CTNNA2: variants seen among roughly 807,000 people sequenced by gnomAD.
The protein encoded by CTNNA2 is catenin alpha-2.
CTNNA2 carries 42 observed loss-of-function variants against 101.0 expected under a neutral mutation model. That is an observed-to-expected ratio of 0.42 (90% CI 0.32 to 0.54). The LOEUF is 0.54. CTNNA2 is among the 20% of genes least tolerant of loss of function. The pLI, the probability that CTNNA2 is intolerant of heterozygous loss-of-function variation, is 0.14. For synonymous variants in CTNNA2, 450 were observed against 456.4 expected (o/e 0.99, Z 0.18); for missense variants, 871 against 1,223.1 (o/e 0.71, Z 4.29).
chr2:79,639,194 T>C (rs1025540152), intron 1 of CTNNA2, among the ~76,000 whole-genome samples: 1 of 152,200 alleles, frequency 6.6e-6, no homozygotes, highest in African/African-American at 2.4e-5. Flanking sequence ...GCTGCCCTCT[T>C]GGTGAATGGT....
intron 2 of CTNNA2, among the ~76,000 whole-genome samples, chr2:79,212,613 A>G (rs1160296703): frequency 6.6e-6 from 1 of 152,166 alleles, no homozygotes; most frequent in Non-Finnish European, 1.5e-5. Flanking sequence ...GATTTGACTA[A>G]TGAAGGCCGG....
chr2:79,874,768 A>G (rs550101777), intron 6 of CTNNA2, among the ~76,000 whole-genome samples: 1 of 152,240 alleles, frequency 6.6e-6, no homozygotes, highest in East Asian at 1.9e-4. Context: ...AGATCGTGCC[A>G]TTGCACTCCA....
At chr2:79,384,849 AT>A (rs1558654477) in intron 4 of CTNNA2, among the ~76,000 whole-genome samples, 1 of 152,194 alleles carries the variant, frequency 6.6e-6, no homozygotes, top group East Asian at 1.9e-4. Context: ...ACTAGTTCAC[AT>A]TAACTTATAC....
At chr2:80,324,340 G>A (rs748328721) in intron 7 of CTNNA2, among the ~76,000 whole-genome samples, 1 of 152,048 alleles carries the variant, frequency 6.6e-6, no homozygotes. Flanking sequence ...AGTCATAGGC[G>A]AAGTCAGGAC....
intron 3 of CTNNA2, among the ~76,000 whole-genome samples, chr2:79,816,205 G>C (rs1378055764): frequency 6.6e-6 from 1 of 152,076 alleles, no homozygotes; most frequent in Non-Finnish European, 1.5e-5. Flanking sequence ...AGCAATGAGT[G>C]ACAGTATGAC....
chr2:79,192,850 A>G (rs1416497046), intron 1 of CTNNA2, among the ~76,000 whole-genome samples: 1 of 151,998 alleles, frequency 6.6e-6, no homozygotes. Context: ...TATTTAAAAT[A>G]TTATATATAT....
At chr2:79,868,276 A>C (rs1488343090) in intron 4 of CTNNA2, among the ~76,000 whole-genome samples, 1 of 152,208 alleles carries the variant, frequency 6.6e-6, no homozygotes, top group Non-Finnish European at 1.5e-5. Context: ...TTCCCAATCC[A>C]GGACATAAAC....
At chr2:79,301,647 C>T (rs1181237840) in intron 2 of CTNNA2, among the ~76,000 whole-genome samples, 3 of 152,140 alleles carry the variant, frequency 2.0e-5, no homozygotes, top group African/African-American at 7.2e-5. Context: ...CCACTACCCA[C>T]CTCTCATCCC....
intron 7 of CTNNA2, among the ~76,000 whole-genome samples, chr2:80,117,364 C>T (rs778009593): frequency 6.6e-6 from 1 of 152,054 alleles, no homozygotes; most frequent in Non-Finnish European, 1.5e-5. Flanking sequence ...ATCTCACTGA[C>T]TCACCTACCT....
At chr2:79,504,860 T>C (rs993072444) in intron 4 of CTNNA2, among the ~76,000 whole-genome samples, 1 of 152,182 alleles carries the variant, frequency 6.6e-6, no homozygotes, top group Non-Finnish European at 1.5e-5. Context: ...ATTTGACTAC[T>C]TTGCCGCTTT....
intron 2 of CTNNA2, among the ~76,000 whole-genome samples, chr2:79,270,070 C>T (rs902761176): frequency 5.9e-5 from 9 of 152,054 alleles, no homozygotes; most frequent in Admixed American, 3.3e-4. Context: ...TCTCTTCTTC[C>T]TTTGTTTCTT....
chr2:79,757,167 G>A (rs760889047), intron 3 of CTNNA2, among the ~76,000 whole-genome samples: 3 of 152,008 alleles, frequency 2.0e-5, no homozygotes, highest in Non-Finnish European at 2.9e-5. Flanking sequence ...TGGAAAATTC[G>A]CAAAGATAGT....
At chr2:80,318,922 A>T (rs1312905677) in intron 7 of CTNNA2, among the ~76,000 whole-genome samples, 1 of 152,218 alleles carries the variant, frequency 6.6e-6, no homozygotes, top group Non-Finnish European at 1.5e-5. Flanking sequence ...TGGCAGTATC[A>T]GAATGATCCT....
intron 9 of CTNNA2, among the ~76,000 whole-genome samples, chr2:80,491,069 G>A (rs532296783): frequency 1.4e-4 from 22 of 152,118 alleles, no homozygotes; most frequent in African/African-American, 4.6e-4. Context: ...TTTATTTCAG[G>A]GTACACAAAC....
chr2:79,266,699 C>T (rs1240148911), intron 2 of CTNNA2, among the ~76,000 whole-genome samples: 2 of 152,022 alleles, frequency 1.3e-5, no homozygotes, highest in Non-Finnish European at 2.9e-5. Context: ...ATTAGTAAGA[C>T]TCTTCCTGTA....
chr2:80,513,369 C>T (rs1247132845), intron 9 of CTNNA2, among the ~76,000 whole-genome samples: 5 of 152,182 alleles, frequency 3.3e-5, no homozygotes, highest in African/African-American at 1.2e-4. Context: ...TTTAGCTGGG[C>T]TTTAGCAAAT....
At chr2:80,114,357 A>T (rs939565061) in intron 7 of CTNNA2, among the ~76,000 whole-genome samples, 5 of 152,218 alleles carry the variant, frequency 3.3e-5, no homozygotes, top group Non-Finnish European at 1.5e-5. Flanking sequence ...TTTGTAAAGA[A>T]AATATTCATT....
intron 2 of CTNNA2, among the ~76,000 whole-genome samples, chr2:79,728,289 A>G (rs1456123419): frequency 6.6e-6 from 1 of 152,126 alleles, no homozygotes; most frequent in African/African-American, 2.4e-5. Flanking sequence ...GTGAGATGGT[A>G]TCTCATTGTG....
At chr2:80,554,562 G>A (rs1489289414) in intron 11 of CTNNA2, among the ~76,000 whole-genome samples, 1 of 152,128 alleles carries the variant, frequency 6.6e-6, no homozygotes. Context: ...TTGATAGGAA[G>A]AGGATAGAAA....
Sources: gnomAD v4.1 joint callset for allele counts (sites outside exome capture counted in the v4.1 genomes callset) on GRCh38, gnomAD v4.1.1 for gene constraint, MANE v1.5 for transcripts, NCBI Gene and HGNC (gene_info 2026-07-23, HGNC 2026-07-21) for gene names.